CAMKMT: variants seen among roughly 807,000 people sequenced by gnomAD.
CAMKMT encodes calmodulin-lysine N-methyltransferase.
A neutral mutation model predicts 48.0 loss-of-function variants in CAMKMT; 53 were observed. That is an observed-to-expected ratio of 1.10 (90% CI 0.89 to 1.39). CAMKMT has a LOEUF of 1.39. CAMKMT is among the 40% of genes most tolerant of loss of function. The pLI, the probability that CAMKMT is intolerant of heterozygous loss-of-function variation, is 0.00. For missense variants in CAMKMT, 428 were observed against 402.7 expected, an observed-to-expected ratio of 1.06 and a Z score of -0.54; for synonymous variants, 165 against 152.3, an observed-to-expected ratio of 1.08 and a Z score of -0.61.
chr2:44,439,075 AAAC>A (rs562922877), intron 3 of CAMKMT, among the ~76,000 whole-genome samples: 56 of 152,328 alleles, frequency 3.7e-4, no homozygotes, highest in Admixed American at 7.8e-4. Flanking sequence ...GGTACAGAAG[AAAC>A]AGCTATAGTG....
intron 3 of CAMKMT, among the ~76,000 whole-genome samples, chr2:44,403,676 A>T (rs1682585738): frequency 6.6e-6 from 1 of 152,182 alleles, no homozygotes; most frequent in South Asian, 2.1e-4. Context: ...ATTCACTCTA[A>T]CATCTTTAGC....
intron 3 of CAMKMT, among the ~76,000 whole-genome samples, chr2:44,546,390 C>T (rs1481064051): frequency 6.6e-6 from 1 of 152,194 alleles, no homozygotes; most frequent in East Asian, 1.9e-4. Flanking sequence ...CAGGCTCAGC[C>T]TCATTCTGCC....
At chr2:44,581,949 A>G (rs1669591817) in intron 3 of CAMKMT, among the ~76,000 whole-genome samples, 1 of 152,264 alleles carries the variant, frequency 6.6e-6, no homozygotes, top group African/African-American at 2.4e-5. Flanking sequence ...CAGTGAGCCA[A>G]GATCGTGCCG....
chr2:44,753,543 G>A lies in CAMKMT; in HGVS notation c.699-512G>A, dbSNP rs150909674. The stretch of plus-strand genomic sequence containing the variant: ...GAGATTGTTCTTTGTTTTTGTAGCT[G>A]TTCACTCCTAAGTCAGACGTTGAAT... On this transcript the variant is annotated intron_variant, in intron 8 of 10. Coordinates refer to ENST00000378494, the MANE Select transcript of CAMKMT (RefSeq NM_024766.5). 2.6e-5 allele frequency among the ~76,000 whole-genome samples: 4 copies of A among 152,268 alleles called. No individual in the cohort carries two copies. In the East Asian group the frequency reaches 7.7e-4, roughly 29 times the overall value.
At chr2:44,409,715 T>A (rs1458132461) in intron 3 of CAMKMT, among the ~76,000 whole-genome samples, 1 of 152,208 alleles carries the variant, frequency 6.6e-6, no homozygotes, top group Non-Finnish European at 1.5e-5. Flanking sequence ...TCTTTAATTG[T>A]GGAATACTCT....
intron 3 of CAMKMT, among the ~76,000 whole-genome samples, chr2:44,594,251 A>C (rs1217927958): frequency 6.6e-6 from 1 of 152,154 alleles, no homozygotes; most frequent in Non-Finnish European, 1.5e-5. Flanking sequence ...GTAATTTATA[A>C]ATTCAATGCT....
At chr2:44,759,449 CT>C (rs201997897) in intron 9 of CAMKMT, among the ~76,000 whole-genome samples, 1 of 151,752 alleles carries the variant, frequency 6.6e-6, no homozygotes, top group Non-Finnish European at 1.5e-5. Flanking sequence ...ACTTTCTCAT[CT>C]TTTTTTTTAA....
intron 3 of CAMKMT, among the ~76,000 whole-genome samples, chr2:44,542,771 G>T (rs1051657680): frequency 6.6e-6 from 1 of 152,062 alleles, no homozygotes; most frequent in African/African-American, 2.4e-5. Context: ...GGGGTCTCAG[G>T]ATAGCAGTTA....
chr2:44,757,217 A>T (rs1031869296), intron 9 of CAMKMT, among the ~76,000 whole-genome samples: 1 of 152,158 alleles, frequency 6.6e-6, no homozygotes, highest in Non-Finnish European at 1.5e-5. Flanking sequence ...GGCTGATGGG[A>T]TGCCTGAGTT....
intron 3 of CAMKMT, among the ~76,000 whole-genome samples, chr2:44,663,232 C>G (rs1674772467): frequency 6.6e-6 from 1 of 152,162 alleles, no homozygotes; most frequent in South Asian, 2.1e-4. Context: ...GGGAGGGTTT[C>G]CAGGTCCAGA....
At chr2:44,454,324 GA>G (rs1203351850) in intron 3 of CAMKMT, among the ~76,000 whole-genome samples, 1 of 152,064 alleles carries the variant, frequency 6.6e-6, no homozygotes, top group Non-Finnish European at 1.5e-5. Context: ...AATGTGGCTT[GA>G]AAAATACATT....
At chr2:44,696,751 T>C (rs1408969541) in intron 3 of CAMKMT, among the ~76,000 whole-genome samples, 3 of 151,210 alleles carry the variant, frequency 2.0e-5, no homozygotes, top group Non-Finnish European at 4.4e-5. Context: ...ATGTGACAGA[T>C]AACAAAACCA....
rs1325635692 is a variant in CAMKMT at position 44,398,604 on chromosome 2, C to T, written c.376+8299C>T. 3.5e-5 allele frequency among the ~76,000 whole-genome samples: 5 copies of T among 141,690 alleles called. No individual in the cohort carries two copies. The South Asian group carries it at 6.6e-4, about 19-fold the overall frequency. 93.0% of individuals were successfully genotyped at this position (141,690 alleles called of 152,430 possible). ...TTTTGAGAAGTGCTGATTTTTGTAACGATAATACAATAGTAATAACAAGTT... is the reference window on the plus strand; with the variant it reads ...TTTTGAGAAGTGCTGATTTTTGTAATGATAATACAATAGTAATAACAAGTT... On this transcript the variant is annotated intron_variant, in intron 3 of 10. Transcript: ENST00000378494.
chr2:44,664,439 C>G (rs1431016345), intron 3 of CAMKMT, among the ~76,000 whole-genome samples: 1 of 152,108 alleles, frequency 6.6e-6, no homozygotes, highest in African/African-American at 2.4e-5. Context: ...CTTGGTGTCA[C>G]CCACAGGAGC....
intron 8 of CAMKMT, among the ~76,000 whole-genome samples, chr2:44,751,805 C>T (rs1157002500): frequency 1.3e-5 from 2 of 152,174 alleles, no homozygotes; most frequent in Non-Finnish European, 1.5e-5. Flanking sequence ...GCAGGCTGTG[C>T]AGGAAGCATA....
At chr2:44,405,761 A>G (rs1266407806) in intron 3 of CAMKMT, among the ~76,000 whole-genome samples, 6 of 152,290 alleles carry the variant, frequency 3.9e-5, no homozygotes, top group African/African-American at 1.4e-4. Context: ...AAACTAAATG[A>G]TGAATTAGAT....
chr2:44,634,291 C>T (rs1312539500), intron 3 of CAMKMT, among the ~76,000 whole-genome samples: 5 of 151,898 alleles, frequency 3.3e-5, no homozygotes, highest in Non-Finnish European at 7.4e-5. Flanking sequence ...ACCTCCTCAA[C>T]TTAATGAGTC....
At position 44,587,713 on chromosome 2, in the gene CAMKMT, C is replaced by T. The variant is rs977925992; in HGVS notation, c.377-116570C>T. Among the ~76,000 whole-genome samples, 313 of 131,734 alleles carry T rather than the reference C, an allele frequency of 2.4e-3. 10 individuals are homozygous for T. The highest frequency in any genetic ancestry group is 1.9e-3 in the Non-Finnish European group (114 of 60,558). The allele number at this position is 131,734 out of a possible 152,430, so 86.4% of individuals were successfully genotyped here. ...CCGGGCTGGTCTCAGCTCCTGACCG[C>T]GAGTGATCCGCCAGCCTCGGCCTCC... On this transcript the variant is annotated intron_variant, in intron 3 of 10. Coordinates refer to ENST00000378494, the MANE Select transcript of CAMKMT (RefSeq NM_024766.5).
chr2:44,395,260 A>G (rs990346013), intron 3 of CAMKMT, among the ~76,000 whole-genome samples: 1 of 152,206 alleles, frequency 6.6e-6, no homozygotes, highest in Non-Finnish European at 1.5e-5. Context: ...TATGTAATGC[A>G]TATGTATGTG....
Sources: allele counts gnomAD v4.1 joint callset (sites outside exome capture counted in the v4.1 genomes callset), GRCh38; gene constraint gnomAD v4.1.1; transcripts MANE v1.5; gene names NCBI Gene and HGNC (gene_info 2026-07-23, HGNC 2026-07-21).